PDZRN4: variants seen among roughly 807,000 people sequenced by gnomAD.
PDZRN4 encodes the protein PDZ domain-containing RING finger protein 4.
Under a neutral mutation model 99.0 loss-of-function variants are expected in PDZRN4, and 70 were observed. The observed-to-expected ratio is 0.71, with a 90% CI of 0.58 to 0.86. PDZRN4 has a LOEUF of 0.86. Ranked by LOEUF, PDZRN4 falls within the 40% of genes least tolerant of loss-of-function variation. The pLI is 0.00. For synonymous variants in PDZRN4, 551 were observed against 501.6 expected (o/e 1.10, Z -1.32); for missense variants, 1,474 against 1,331.2 (o/e 1.11, Z -1.67).
chr12:41,377,680 A>G (rs1378295309), intron 3 of PDZRN4, among the ~76,000 whole-genome samples: 1 of 152,062 alleles, frequency 6.6e-6, no homozygotes, highest in East Asian at 1.9e-4. Flanking sequence ...AAAAAATTAT[A>G]GTTTTCAGTG....
intron 3 of PDZRN4, among the ~76,000 whole-genome samples, chr12:41,326,970 C>A (rs1951712999): frequency 6.6e-6 from 1 of 152,092 alleles, no homozygotes; most frequent in Non-Finnish European, 1.5e-5. Context: ...AATGTCTGAA[C>A]TGAATTATTT....
intron 3 of PDZRN4, among the ~76,000 whole-genome samples, chr12:41,446,736 T>C (rs1592062337): frequency 6.6e-6 from 1 of 151,878 alleles, no homozygotes; most frequent in South Asian, 2.1e-4. Flanking sequence ...CTTAGTACAG[T>C]GGACATGGCA....
chr12:41,212,906 G>A (rs952759661), intron 3 of PDZRN4, among the ~76,000 whole-genome samples: 1 of 151,988 alleles, frequency 6.6e-6, no homozygotes, highest in African/African-American at 2.4e-5. Flanking sequence ...AAAAGGCTTA[G>A]TGTATTATAG....
intron 3 of PDZRN4, among the ~76,000 whole-genome samples, chr12:41,248,601 T>C (rs996021306): frequency 1.3e-5 from 2 of 152,134 alleles, no homozygotes; most frequent in Admixed American, 1.3e-4. Context: ...TGGTAGACTG[T>C]CAGAAAAAGA....
intron 3 of PDZRN4, among the ~76,000 whole-genome samples, chr12:41,406,858 CAAAAAAAA>C (rs758320141): frequency 4.3e-5 from 2 of 46,926 alleles, no homozygotes; most frequent in Non-Finnish European, 9.6e-5. Flanking sequence ...AACTCCGTCT[CAAAAAAAA>C]AAAAAAAAAA....
chr12:41,420,832 T>C (rs914600442), intron 3 of PDZRN4, among the ~76,000 whole-genome samples: 1 of 152,208 alleles, frequency 6.6e-6, no homozygotes, highest in African/African-American at 2.4e-5. Context: ...ATCCATATTA[T>C]TATCTTTGAC....
intron 3 of PDZRN4, chr12:41,460,072 T>C (rs760207012): frequency 7.8e-7 from 1 of 1,283,852 alleles, no homozygotes; most frequent in Non-Finnish European, 1.0e-6. Flanking sequence ...GAATGAGTGG[T>C]AAATTTTCCC....
At chr12:41,455,850 G>T (rs1952813220) in intron 3 of PDZRN4, among the ~76,000 whole-genome samples, 1 of 152,114 alleles carries the variant, frequency 6.6e-6, no homozygotes, top group South Asian at 2.1e-4. Context: ...TCCCAGTAGG[G>T]ATATTACAGG....
rs570663041 is a variant in PDZRN4, at chr12:41,202,024, G to C, written c.843+7836G>C. Among the ~76,000 whole-genome samples, 15 of 152,274 alleles carry C rather than the reference G, an allele frequency of 9.9e-5. No individual in the cohort carries two copies. The East Asian group carries it at 2.7e-3, about 27-fold the overall frequency. On this transcript the variant is annotated intron_variant, in intron 3 of 9. Coordinates refer to ENST00000402685, the MANE Select transcript of PDZRN4 (RefSeq NM_001164595.2). The stretch of plus-strand genomic sequence containing the variant: ...AATTTACATGCTTGCCTGCAAAGCA[G>C]ATGTGCAGAGAATGGCACTGGACCA...
rs201395048 is a variant in PDZRN4, at chr12:41,258,968, CG to C, written c.843+64787del. On this transcript the variant is annotated intron_variant, in intron 3 of 9. Transcript: ENST00000402685. ...AAAGACACTAGTAAGTAGTACATGG[CG>C]GGGGGGCACTACAATTCATTAACAC... Among the ~76,000 whole-genome samples the C allele has an allele frequency of 4.3e-4, 66 of 151,822 alleles. No homozygotes were observed. The South Asian group carries it at 5.0e-3, about 12-fold the overall frequency.
At chr12:41,307,247 A>G (rs1951577064) in intron 3 of PDZRN4, among the ~76,000 whole-genome samples, 1 of 152,174 alleles carries the variant, frequency 6.6e-6, no homozygotes, top group Non-Finnish European at 1.5e-5. Flanking sequence ...ACAGTTCTGC[A>G]TGCCGGGAAG....
At chr12:41,338,110 A>T (rs1173838778) in intron 3 of PDZRN4, among the ~76,000 whole-genome samples, 1 of 152,098 alleles carries the variant, frequency 6.6e-6, no homozygotes, top group East Asian at 1.9e-4. Flanking sequence ...ATGACTATTT[A>T]TAATTAGAAA....
Position 41,506,518 on chromosome 12 carries a change from C to A in PDZRN4, c.906C>A (p.Ala302=), listed in dbSNP as rs1460882544. The change falls in exon 4 of 10, where the codon GCC becomes GCA. Residue 302 remains alanine, a synonymous_variant. Coordinates refer to ENST00000402685, the MANE Select transcript of PDZRN4 (RefSeq NM_001164595.2). ...AGGCAGTGGAAGCTTTTCGCAATGCCAAGGAGCCCATTGTGGTGCAGGTGT... is the reference window on the plus strand; with the variant it reads ...AGGCAGTGGAAGCTTTTCGCAATGCAAAGGAGCCCATTGTGGTGCAGGTGT... ...HEEAVEAFRN[A]KEPIVVQVLR... The A allele has an allele frequency of 6.2e-7, 1 of 1,613,560 alleles. No homozygotes were observed. Among genetic ancestry groups the A allele is most frequent in the African/African-American group, 1.3e-5 (1 of 74,868 alleles).
intron 3 of PDZRN4, among the ~76,000 whole-genome samples, chr12:41,301,415 T>C (rs554156986): frequency 6.6e-6 from 1 of 152,174 alleles, no homozygotes; most frequent in East Asian, 1.9e-4. Flanking sequence ...ATTTTAGGTA[T>C]GTAGCAAATG....
At chr12:41,190,775 C>T (rs1309045803) in intron 1 of PDZRN4, among the ~76,000 whole-genome samples, 4 of 152,142 alleles carry the variant, frequency 2.6e-5, no homozygotes, top group African/African-American at 7.2e-5. Context: ...CTAATTCATC[C>T]TATGTGTAAG....
Position 41,218,819 on chromosome 12 carries a change from C to T in PDZRN4, c.843+24631C>T, listed in dbSNP as rs1308266561. Among the ~76,000 whole-genome samples the T allele has an allele frequency of 2.0e-5, 3 of 152,016 alleles. No individual in the cohort carries two copies. The East Asian group carries it at 5.8e-4, about 29-fold the overall frequency. ...TATGGCAAGTTCAAATATTTGGCTA[C>T]AAGTGAAGAAACTTTAACTGTAGAA... On this transcript the variant is annotated intron_variant, in intron 3 of 9. Coordinates refer to ENST00000402685, the MANE Select transcript of PDZRN4 (RefSeq NM_001164595.2).
rs1565585437 is a variant in PDZRN4 at position 41,448,655 on chromosome 12, C to A, written c.844-57801C>A. On this transcript the variant is annotated intron_variant, in intron 3 of 9. Coordinates refer to ENST00000402685, the MANE Select transcript of PDZRN4 (RefSeq NM_001164595.2). ...CAAGGAAACATTTTGTTATTGTCTCCAGTATTCACTGAGTTCTGTTTGAAA... is the reference window on the plus strand; with the variant it reads ...CAAGGAAACATTTTGTTATTGTCTCAAGTATTCACTGAGTTCTGTTTGAAA... 2.6e-5 allele frequency among the ~76,000 whole-genome samples: 4 copies of A among 152,172 alleles called. No individual in the cohort carries two copies. The South Asian group carries it at 8.3e-4, about 32-fold the overall frequency.
chr12:41,249,832 C>T (rs1455796299), intron 3 of PDZRN4, among the ~76,000 whole-genome samples: 2 of 152,172 alleles, frequency 1.3e-5, no homozygotes, highest in African/African-American at 4.8e-5. Context: ...AGAGTGCATT[C>T]GCATTCATAG....
chr12:41,360,341 G>A (rs1437827391), intron 3 of PDZRN4, among the ~76,000 whole-genome samples: 4 of 151,940 alleles, frequency 2.6e-5, no homozygotes, highest in Admixed American at 2.6e-4. Context: ...TTATTATAAT[G>A]GTGCTGGAAA....
Sources: gnomAD v4.1 joint callset for allele counts (sites outside exome capture counted in the v4.1 genomes callset) on GRCh38, gnomAD v4.1.1 for gene constraint, MANE v1.5 for transcripts, NCBI Gene and HGNC (gene_info 2026-07-23, HGNC 2026-07-21) for gene names.